The following SMAD2 variants were observed in gnomAD, a reference collection of about 807,000 sequenced individuals.
SMAD2 encodes SMAD family member 2.
Under a neutral mutation model 64.4 loss-of-function variants are expected in SMAD2, and 8 were observed. The observed-to-expected ratio is 0.12, with a 90% CI of 0.07 to 0.22. SMAD2 has a LOEUF of 0.22. Among genes scored for constraint, SMAD2 ranks in the 10% least tolerant of loss-of-function variants. The pLI, the probability that SMAD2 is intolerant of heterozygous loss-of-function variation, is 1.00. For missense variants in SMAD2, 289 were observed against 561.2 expected, an observed-to-expected ratio of 0.51 and a Z score of 4.90; for synonymous variants, 203 against 195.8, an observed-to-expected ratio of 1.04 and a Z score of -0.31.
intron 1 of SMAD2, among the ~76,000 whole-genome samples, chr18:47,926,094 A>T (rs2144555382): frequency 6.6e-6 from 1 of 152,358 alleles, no homozygotes; most frequent in Non-Finnish European, 1.5e-5. Context: ...ACACTGAAAC[A>T]GCCTTTCTTT....
intron 7 of SMAD2, among the ~76,000 whole-genome samples, chr18:47,850,239 T>TTATATATATATTATA (rs200082191): frequency 1.6e-5 from 1 of 62,582 alleles, no homozygotes; most frequent in African/African-American, 6.7e-5. Context: ...ATATTATATA[T>TTATATATATATTATA]TATATATTAT....
In SMAD2 at chr18:47,841,625, G is replaced by C. The variant is rs1269904603; in HGVS notation, c.*202C>G. On this transcript the variant is annotated 3_prime_UTR_variant, in exon 11 of 11. Transcript: ENST00000262160. ...AATCTTCTCTTCCTCTTTAATGGGA[G>C]AGTATTTCTAGACACTAATTTTCCC... 8.3e-6 allele frequency: 5 copies of C among 604,688 alleles called. No homozygotes were observed. The highest frequency in any genetic ancestry group is 1.5e-5 in the Non-Finnish European group (5 of 340,292). The allele number at this position is 604,688 out of a possible 1,614,324, so 37.5% of individuals were successfully genotyped here. A position where few individuals can be genotyped will look rare whatever the true frequency, so the allele number is the denominator to read the frequency against.
At chr18:47,911,391 T>C (rs1158357014) in intron 1 of SMAD2, among the ~76,000 whole-genome samples, 1 of 150,526 alleles carries the variant, frequency 6.6e-6, no homozygotes, top group Non-Finnish European at 1.5e-5. Context: ...TAACCTAATA[T>C]AATCATACTC....
In SMAD2 at chr18:47,907,890, G is replaced by A. The variant is rs193032118; in HGVS notation, c.-53-11081C>T. 3.9e-5 allele frequency among the ~76,000 whole-genome samples: 6 copies of A among 152,314 alleles called. No individual in the cohort carries two copies. In the East Asian group the frequency reaches 5.8e-4, roughly 15 times the overall value. On this transcript the variant is annotated intron_variant, in intron 1 of 10. Transcript: ENST00000262160. ...GCAGAGGCTGCAGTGAGCCGAGATCGTGCCACTGCACTCCAGCACCCTGGG... is the reference window on the plus strand; with the variant it reads ...GCAGAGGCTGCAGTGAGCCGAGATCATGCCACTGCACTCCAGCACCCTGGG...
At position 47,814,071 on chromosome 18, in the gene SMAD2, T is replaced by C. The variant is rs1204389457; in HGVS notation, c.*27756A>G. On this transcript the variant is annotated 3_prime_UTR_variant, in exon 11 of 11. Transcript: ENST00000262160. The stretch of plus-strand genomic sequence containing the variant: ...GGCATCAAGAGAAGGATATTCAAGG[T>C]ACTTAGGACCAGAACAGGCAAAGGC... 2 of 152,100 alleles carry C rather than the reference T, an allele frequency of 1.3e-5. No individual in the cohort carries two copies. Among genetic ancestry groups the C allele is most frequent in the Non-Finnish European group, 2.9e-5 (2 of 68,018 alleles). The allele number at this position is 152,100 out of a possible 1,614,324, so 9.4% of individuals were successfully genotyped here.
At chr18:47,903,261 C>T (rs992244824) in intron 1 of SMAD2, among the ~76,000 whole-genome samples, 6 of 151,644 alleles carry the variant, frequency 4.0e-5, no homozygotes, top group African/African-American at 1.5e-4. Context: ...AAATGAGTAG[C>T]GAACTTGAAG....
chr18:47,885,673 G>A (rs961110401), intron 2 of SMAD2, among the ~76,000 whole-genome samples: 6 of 152,030 alleles, frequency 3.9e-5, no homozygotes, highest in African/African-American at 1.4e-4. Flanking sequence ...CAACAATGAA[G>A]AATACAGGCT....
chr18:47,834,675 T>C lies in SMAD2; in HGVS notation c.*7152A>G, dbSNP rs904292477. ...ACGTGTTAACTTTAAGAAGAGTTGG[T>C]AGTAATCAAGCAAATTAGTGAGCAG... On this transcript the variant is annotated 3_prime_UTR_variant, in exon 11 of 11. Transcript: ENST00000262160. 1.8e-5 allele frequency: 4 copies of C among 219,160 alleles called. No individual in the cohort carries two copies. Among genetic ancestry groups the C allele is most frequent in the African/African-American group, 9.0e-5 (4 of 44,564 alleles). 13.6% of individuals were successfully genotyped at this position (219,160 alleles called of 1,614,324 possible). A position where few individuals can be genotyped will look rare whatever the true frequency, so the allele number is the denominator to read the frequency against.
intron 2 of SMAD2, among the ~76,000 whole-genome samples, chr18:47,883,189 T>C (rs1301952035): frequency 1.3e-5 from 2 of 152,278 alleles, no homozygotes; most frequent in South Asian, 2.1e-4. Flanking sequence ...TTCAGCTACA[T>C]CCCACATATG....
rs369869153 is a variant in SMAD2 at position 47,834,820 on chromosome 18, T to C, written c.*7007A>G. ...TTTTTGCAATTAATCCAGTTTTGTA[T>C]GTCTTTTCTTTCTTTTTTAGGTGAA... On this transcript the variant is annotated 3_prime_UTR_variant, in exon 11 of 11. Coordinates refer to ENST00000262160, the MANE Select transcript of SMAD2 (RefSeq NM_005901.6). The C allele has an allele frequency of 1.3e-3, 286 of 218,704 alleles. 5 individuals carry two copies. In the South Asian group the frequency reaches 0.029, roughly 22 times the overall value. 13.5% of individuals were successfully genotyped at this position (218,704 alleles called of 1,614,324 possible). A position where few individuals can be genotyped will look rare whatever the true frequency, so the allele number is the denominator to read the frequency against.
At chr18:47,856,951 G>A (rs988717452) in intron 6 of SMAD2, among the ~76,000 whole-genome samples, 48 of 143,356 alleles carry the variant, frequency 3.3e-4, no homozygotes, top group African/African-American at 1.0e-3. Flanking sequence ...TCCGCCTCCC[G>A]GGTTCACACC....
rs1303681575 is a variant in SMAD2, at chr18:47,850,324, T to G, written c.784+950A>C. ...TATATTATGTATGTTATATACATAT[T>G]ATGTATAATATATGTTATATATATT... On this transcript the variant is annotated intron_variant, in intron 7 of 10. Coordinates refer to ENST00000262160, the MANE Select transcript of SMAD2 (RefSeq NM_005901.6). Among the ~76,000 whole-genome samples, 4 of 44,954 alleles carry G rather than the reference T, an allele frequency of 8.9e-5. No individual in the cohort carries two copies. In the East Asian group the frequency reaches 3.0e-3, roughly 34 times the overall value. 29.5% of individuals were successfully genotyped at this position (44,954 alleles called of 152,430 possible).
In SMAD2 at chr18:47,812,232, G is replaced by A. The variant is rs912747398; in HGVS notation, c.*29595C>T. On this transcript the variant is annotated 3_prime_UTR_variant, in exon 11 of 11. Coordinates refer to ENST00000262160, the MANE Select transcript of SMAD2 (RefSeq NM_005901.6). The stretch of plus-strand genomic sequence containing the variant: ...ATAGTGAATAAGTCTCACGAGATCT[G>A]ATGGTTTTATAAAGGGGAGTTCCCC... 2 of 152,164 alleles carry A rather than the reference G, an allele frequency of 1.3e-5. No homozygotes were observed. The highest frequency in any genetic ancestry group is 2.9e-5 in the Non-Finnish European group (2 of 68,034). 9.4% of individuals were successfully genotyped at this position (152,164 alleles called of 1,614,324 possible).
intron 2 of SMAD2, among the ~76,000 whole-genome samples, chr18:47,882,909 T>G (rs575684138): frequency 1.3e-5 from 2 of 152,316 alleles, no homozygotes; most frequent in South Asian, 4.1e-4. Flanking sequence ...TTTATAATAT[T>G]TGCTTATAAT....
In SMAD2 at chr18:47,820,981, G is replaced by A. The variant is rs941013951; in HGVS notation, c.*20846C>T. ...ATGTTAGAACAAGGTTCTTTTTAAG[G>A]ATCTGGTCTTAATAAAATTGAAAGA... On this transcript the variant is annotated 3_prime_UTR_variant, in exon 11 of 11. Transcript: ENST00000262160. 1 of 150,788 alleles carries A rather than the reference G, an allele frequency of 6.6e-6. No individual in the cohort carries two copies. Among genetic ancestry groups the A allele is most frequent in the African/African-American group, 2.5e-5 (1 of 40,728 alleles). The allele number at this position is 150,788 out of a possible 1,614,324, so 9.3% of individuals were successfully genotyped here.
At chr18:47,890,775 C>T (rs892052369) in intron 2 of SMAD2, among the ~76,000 whole-genome samples, 1 of 152,100 alleles carries the variant, frequency 6.6e-6, no homozygotes. Flanking sequence ...CACGCACATG[C>T]CTATGTATGA....
chr18:47,927,021 CTTTCCA>C (rs1410917914), intron 1 of SMAD2, among the ~76,000 whole-genome samples: 1 of 152,170 alleles, frequency 6.6e-6, no homozygotes, highest in Admixed American at 6.5e-5. Flanking sequence ...AACCCAAGGC[CTTTCCA>C]CTACATGAGA....
At chr18:47,927,536 T>G (rs760873563) in intron 1 of SMAD2, among the ~76,000 whole-genome samples, 1 of 152,256 alleles carries the variant, frequency 6.6e-6, no homozygotes, top group African/African-American at 2.4e-5. Context: ...AGAGACTTTA[T>G]TGCCTAGTCC....
Position 47,850,239 on chromosome 18 carries a change from T to TTA in SMAD2, c.784+1033_784+1034dup, listed in dbSNP as rs200082191. Among the ~76,000 whole-genome samples, 68 of 62,568 alleles carry TTA rather than the reference T, an allele frequency of 1.1e-3. 3 individuals are homozygous for TTA. The highest frequency in any genetic ancestry group is 4.6e-3 in the South Asian group (11 of 2,374). 41.0% of individuals were successfully genotyped at this position (62,568 alleles called of 152,430 possible). A position where few individuals can be genotyped will look rare whatever the true frequency, so the allele number is the denominator to read the frequency against. On this transcript the variant is annotated intron_variant, in intron 7 of 10. Coordinates refer to ENST00000262160, the MANE Select transcript of SMAD2 (RefSeq NM_005901.6). ...ATATATGTATAATATATATTATATATTATATATTATATATATTATGTATAA... is the reference window on the plus strand; with the variant it reads ...ATATATGTATAATATATATTATATATTATATATATTATATATATTATGTATAA...
Sources: gnomAD v4.1 joint callset for allele counts (sites outside exome capture counted in the v4.1 genomes callset) on GRCh38, gnomAD v4.1.1 for gene constraint, MANE v1.5 for transcripts, NCBI Gene and HGNC (gene_info 2026-07-23, HGNC 2026-07-21) for gene names.